Variants in LINGO2 observed in about 807,000 individuals in gnomAD.
LINGO2 encodes the protein leucine-rich repeat and immunoglobulin-like domain-containing nogo receptor-interacting protein 2.
In LINGO2, 14 loss-of-function variants were observed where a neutral mutation model predicts 30.6. The observed-to-expected ratio is 0.46, with a 90% CI of 0.30 to 0.72. The LOEUF (loss-of-function observed/expected upper bound fraction) is 0.72, where lower values mean the gene tolerates loss of function less well. Ranked by LOEUF, LINGO2 falls within the 30% of genes least tolerant of loss-of-function variation. The pLI is 0.07. For missense variants in LINGO2, 729 were observed against 751.7 expected (o/e 0.97, Z 0.35); for synonymous variants, 317 against 288.5 (o/e 1.10, Z -1.00).
chr9:28,047,977 A>G (rs1243045300), intron 4 of LINGO2, among the ~76,000 whole-genome samples: 1 of 150,312 alleles, frequency 6.7e-6, no homozygotes, highest in Non-Finnish European at 1.5e-5. Context: ...AAAAATATGA[A>G]AAGTGTGACT....
At chr9:28,920,639 T>A in the LINGO2 span, among the ~76,000 whole-genome samples, 1 of 152,166 alleles carries the variant, frequency 6.6e-6, no homozygotes. Context: ...TAATGGGTCA[T>A]GAAGGAGCAT....
the LINGO2 span, among the ~76,000 whole-genome samples, chr9:28,892,535 A>T: frequency 6.6e-6 from 1 of 151,994 alleles, no homozygotes; most frequent in Non-Finnish European, 1.5e-5. Flanking sequence ...AACCAACAAA[A>T]ACTATATACA....
chr9:28,097,972 C>T (rs895121977), intron 4 of LINGO2, among the ~76,000 whole-genome samples: 4 of 152,128 alleles, frequency 2.6e-5, no homozygotes, highest in Non-Finnish European at 1.5e-5. Flanking sequence ...CAATGCTTCT[C>T]TTCATTCATT....
At chr9:28,228,933 T>G (rs1387869504) in intron 4 of LINGO2, among the ~76,000 whole-genome samples, 1 of 151,820 alleles carries the variant, frequency 6.6e-6, no homozygotes, top group Non-Finnish European at 1.5e-5. Flanking sequence ...GAAATTAAAA[T>G]TTTTCTTTTC....
chr9:28,711,754 G>T, the LINGO2 span, among the ~76,000 whole-genome samples: 1 of 152,036 alleles, frequency 6.6e-6, no homozygotes, highest in Admixed American at 6.6e-5. Context: ...AATAAAAACA[G>T]CCCCAATATA....
At chr9:29,117,337 T>C in the LINGO2 span, among the ~76,000 whole-genome samples, 2 of 152,184 alleles carry the variant, frequency 1.3e-5, no homozygotes, top group Non-Finnish European at 2.9e-5. Flanking sequence ...TGTTAGTATT[T>C]GCCCATTTCT....
At chr9:28,268,247 A>G (rs540907976) in intron 4 of LINGO2, among the ~76,000 whole-genome samples, 3 of 152,172 alleles carry the variant, frequency 2.0e-5, no homozygotes, top group Admixed American at 2.0e-4. Context: ...CTTTGAGAGG[A>G]TGATGTCTGG....
intron 5 of LINGO2, among the ~76,000 whole-genome samples, chr9:27,967,971 G>A (rs16912130): frequency 6.6e-6 from 1 of 152,026 alleles, no homozygotes; most frequent in Non-Finnish European, 1.5e-5. Context: ...TTTTTTGCCT[G>A]TAACTTTAGC....
intron 4 of LINGO2, among the ~76,000 whole-genome samples, chr9:28,075,700 A>G (rs1825603167): frequency 6.6e-6 from 1 of 151,976 alleles, no homozygotes; most frequent in African/African-American, 2.4e-5. Flanking sequence ...TGAGTTTTCT[A>G]GTCTATGCAC....
chr9:28,794,128 A>AC, the LINGO2 span, among the ~76,000 whole-genome samples: 1 of 152,096 alleles, frequency 6.6e-6, no homozygotes, highest in Non-Finnish European at 1.5e-5. Flanking sequence ...ACATAGTGAA[A>AC]CCCCGTCTGT....
intron 3 of LINGO2, among the ~76,000 whole-genome samples, chr9:28,317,015 T>C (rs968358182): frequency 1.3e-5 from 2 of 152,206 alleles, no homozygotes; most frequent in Non-Finnish European, 2.9e-5. Context: ...TATCCGTCAT[T>C]ATCCTTATGT....
chr9:28,483,047 T>C (rs1826037649), intron 1 of LINGO2, among the ~76,000 whole-genome samples: 1 of 152,116 alleles, frequency 6.6e-6, no homozygotes, highest in Non-Finnish European at 1.5e-5. Context: ...AAGAATTAAA[T>C]AGTCTCAAAT....
At chr9:28,068,129 A>G (rs576164199) in intron 4 of LINGO2, among the ~76,000 whole-genome samples, 34 of 152,260 alleles carry the variant, frequency 2.2e-4, no homozygotes, top group African/African-American at 7.7e-4. Flanking sequence ...ACTTTATGGA[A>G]TCAAATTTTT....
At chr9:28,819,424 T>C in the LINGO2 span, among the ~76,000 whole-genome samples, 3 of 152,194 alleles carry the variant, frequency 2.0e-5, no homozygotes, top group Non-Finnish European at 4.4e-5. Context: ...AAAAGTTTCA[T>C]TGTATAACAT....
chr9:28,888,777 GAACTTA>G, the LINGO2 span: 2 of 474,600 alleles, frequency 4.2e-6, no homozygotes, highest in Admixed American at 2.3e-5. Flanking sequence ...TCCTTGTTTA[GAACTTA>G]AACTTATACT....
chr9:28,725,399 C>A, the LINGO2 span, among the ~76,000 whole-genome samples: 3 of 151,358 alleles, frequency 2.0e-5, no homozygotes, highest in African/African-American at 7.3e-5. Flanking sequence ...AATGATTAAA[C>A]ACAGATAGGA....
chr9:28,160,047 GTTGTGACTGCCAAATTA>G (rs1351937866), intron 4 of LINGO2, among the ~76,000 whole-genome samples: 1 of 152,062 alleles, frequency 6.6e-6, no homozygotes, highest in East Asian at 1.9e-4. Flanking sequence ...CCAAGATGAT[GTTGTGACTGCCAAATTA>G]TTAGTAAATG....
At chr9:28,990,557 G>A in the LINGO2 span, among the ~76,000 whole-genome samples, 1 of 152,226 alleles carries the variant, frequency 6.6e-6, no homozygotes, top group East Asian at 1.9e-4. Context: ...GCCTTTTCAA[G>A]TGGCTCCCTG....
At chr9:29,019,233 C>T in the LINGO2 span, among the ~76,000 whole-genome samples, 2 of 152,232 alleles carry the variant, frequency 1.3e-5, no homozygotes, top group South Asian at 2.1e-4. Context: ...TGAAATGACA[C>T]ATGGTGTATA....
Sources: gnomAD v4.1 joint callset for allele counts (sites outside exome capture counted in the v4.1 genomes callset) on GRCh38, gnomAD v4.1.1 for gene constraint, MANE v1.5 for transcripts, NCBI Gene and HGNC (gene_info 2026-07-23, HGNC 2026-07-21) for gene names.